The following CNBD1 variants were observed in gnomAD, a reference collection of about 807,000 sequenced individuals.
The protein encoded by CNBD1 is cyclic nucleotide binding domain containing 1, also known as cyclic nucleotide-binding domain-containing protein 1.
CNBD1 carries 71 observed loss-of-function variants against 54.4 expected under a neutral mutation model. That is an observed-to-expected ratio of 1.30 (90% CI 1.08 to 1.59). CNBD1 has a LOEUF of 1.59. Ranked by LOEUF, CNBD1 falls within the 40% of genes most tolerant of loss-of-function variation. CNBD1 has a pLI of 0.00. For missense variants in CNBD1, 659 were observed against 518.0 expected, an observed-to-expected ratio of 1.27 and a Z score of -2.64; for synonymous variants, 182 against 170.7, an observed-to-expected ratio of 1.07 and a Z score of -0.51.
intron 4 of CNBD1, among the ~76,000 whole-genome samples, chr8:87,077,412 C>CTTT (rs374931620): frequency 0.013 from 1,730 of 129,394 alleles, 38 homozygotes; most frequent in African/African-American, 0.043. Flanking sequence ...TCTTCTTCTT[C>CTTT]TTTTTTTTTT....
intron 4 of CNBD1, among the ~76,000 whole-genome samples, chr8:87,118,548 T>C (rs1811824637): frequency 6.6e-6 from 1 of 152,112 alleles, no homozygotes. Flanking sequence ...AGAGCAGGTT[T>C]AGTCAGTTTC....
intron 4 of CNBD1, among the ~76,000 whole-genome samples, chr8:87,021,956 T>A (rs968667070): frequency 6.6e-6 from 1 of 151,634 alleles, no homozygotes; most frequent in Admixed American, 6.6e-5. Context: ...TAAGTATTTT[T>A]ATGAAAAATA....
chr8:87,025,776 C>T (rs773899292), intron 4 of CNBD1, among the ~76,000 whole-genome samples: 7 of 152,206 alleles, frequency 4.6e-5, no homozygotes, highest in East Asian at 3.9e-4. Flanking sequence ...ACGAACCCAC[C>T]GGAAGGAAGA....
chr8:87,306,289 A>C (rs1024676267), intron 8 of CNBD1, among the ~76,000 whole-genome samples: 1 of 152,190 alleles, frequency 6.6e-6, no homozygotes, highest in African/African-American at 2.4e-5. Context: ...ACACTTTTAT[A>C]CTGCTGGTGG....
intron 4 of CNBD1, among the ~76,000 whole-genome samples, chr8:86,969,443 A>G (rs148086359): frequency 7.9e-5 from 12 of 152,168 alleles, no homozygotes; most frequent in African/African-American, 2.9e-4. Flanking sequence ...AAATCCATCA[A>G]TCCTTTTCTT....
chr8:87,025,238 A>G (rs1809612312), intron 4 of CNBD1, among the ~76,000 whole-genome samples: 1 of 152,204 alleles, frequency 6.6e-6, no homozygotes, highest in South Asian at 2.1e-4. Flanking sequence ...AAATGGACCA[A>G]TCCCCAGGAT....
At chr8:87,136,193 C>A (rs1812223682) in intron 4 of CNBD1, among the ~76,000 whole-genome samples, 1 of 151,906 alleles carries the variant, frequency 6.6e-6, no homozygotes, top group Admixed American at 6.6e-5. Flanking sequence ...ATACTTGATT[C>A]TTACTGAGCT....
intron 3 of CNBD1, among the ~76,000 whole-genome samples, chr8:86,912,765 G>T (rs1386237262): frequency 6.6e-6 from 1 of 152,124 alleles, no homozygotes; most frequent in Non-Finnish European, 1.5e-5. Flanking sequence ...AGGGATTCCA[G>T]AAGAAGGCAT....
intron 2 of CNBD1, among the ~76,000 whole-genome samples, chr8:87,425,114 G>T (rs191610750): frequency 6.6e-6 from 1 of 151,636 alleles, no homozygotes; most frequent in Admixed American, 6.6e-5. Flanking sequence ...TGATCGCATC[G>T]GCTCCTGAGG....
chr8:87,286,898 T>A (rs1433240893), intron 8 of CNBD1, among the ~76,000 whole-genome samples: 1 of 152,116 alleles, frequency 6.6e-6, no homozygotes, highest in Non-Finnish European at 1.5e-5. Flanking sequence ...ACTTTTAACA[T>A]CTCTCTCTAC....
At chr8:86,924,910 A>C (rs1404934577) in intron 3 of CNBD1, among the ~76,000 whole-genome samples, 1 of 152,200 alleles carries the variant, frequency 6.6e-6, no homozygotes, top group Admixed American at 6.5e-5. Flanking sequence ...CCTAAAGAAT[A>C]CATGTAAGTC....
intron 4 of CNBD1, among the ~76,000 whole-genome samples, chr8:87,055,834 C>T (rs1810402067): frequency 7.0e-6 from 1 of 143,806 alleles, no homozygotes; most frequent in South Asian, 2.3e-4. Flanking sequence ...CCCTCCCTCT[C>T]TCTTTCCTTC....
At chr8:87,332,999 T>A (rs1276741640) in intron 8 of CNBD1, among the ~76,000 whole-genome samples, 1 of 152,264 alleles carries the variant, frequency 6.6e-6, no homozygotes, top group East Asian at 1.9e-4. Flanking sequence ...TCTTCCCATC[T>A]ATGAGGATGG....
At chr8:87,228,961 C>T (rs535655336) in intron 5 of CNBD1, among the ~76,000 whole-genome samples, 3 of 152,146 alleles carry the variant, frequency 2.0e-5, no homozygotes, top group African/African-American at 7.2e-5. Context: ...TTTTTAAGCC[C>T]GTCGGAAAAG....
Position 87,350,099 on chromosome 8 carries a change from G to A in CNBD1, c.1043-1586G>A, listed in dbSNP as rs538986084. Among the ~76,000 whole-genome samples the A allele has an allele frequency of 2.6e-5, 4 of 152,180 alleles. No individual in the cohort carries two copies. The South Asian group carries it at 6.2e-4, about 24-fold the overall frequency. ...GCCTTTCTTTATATCCTTGCTGATT[G>A]ACTAAAAGAAGATACATAGTTTCTA... On this transcript the variant is annotated intron_variant, in intron 8 of 10. Transcript: ENST00000518476.
intron 8 of CNBD1, among the ~76,000 whole-genome samples, chr8:87,329,804 C>G (rs1255904586): frequency 6.6e-6 from 1 of 151,744 alleles, no homozygotes; most frequent in Non-Finnish European, 1.5e-5. Flanking sequence ...TTTCTCTATT[C>G]TTTTAGATTT....
At chr8:87,219,605 G>A (rs1472232112) in intron 5 of CNBD1, among the ~76,000 whole-genome samples, 1 of 151,926 alleles carries the variant, frequency 6.6e-6, no homozygotes, top group Non-Finnish European at 1.5e-5. Flanking sequence ...GTGATGATCA[G>A]CAAGTGATAA....
intron 3 of CNBD1, among the ~76,000 whole-genome samples, chr8:86,932,038 G>A (rs1228695077): frequency 1.3e-5 from 2 of 152,194 alleles, no homozygotes; most frequent in African/African-American, 2.4e-5. Context: ...TTGCTGACCA[G>A]TAGGGAGTTT....
At chr8:87,264,480 G>A (rs1808208115) in intron 6 of CNBD1, among the ~76,000 whole-genome samples, 1 of 152,152 alleles carries the variant, frequency 6.6e-6, no homozygotes, top group Admixed American at 6.6e-5. Flanking sequence ...TGTCTTTATA[G>A]TAGCATGATT....
Sources: gnomAD v4.1 joint callset for allele counts (sites outside exome capture counted in the v4.1 genomes callset) on GRCh38, gnomAD v4.1.1 for gene constraint, MANE v1.5 for transcripts, NCBI Gene and HGNC (gene_info 2026-07-23, HGNC 2026-07-21) for gene names.